Variants in KIF3A observed in about 807,000 individuals in gnomAD.
KIF3A encodes the protein kinesin family member 3A.
Under a neutral mutation model 92.6 loss-of-function variants are expected in KIF3A, and 27 were observed. The ratio of observed to expected loss-of-function variants is 0.29; its 90% CI spans 0.21 to 0.40. KIF3A has a LOEUF of 0.40. Among genes scored for constraint, KIF3A ranks in the 10% least tolerant of loss-of-function variants. The pLI is 1.00. For missense variants in KIF3A, 581 were observed against 872.6 expected, an observed-to-expected ratio of 0.67 and a Z score of 4.21; for synonymous variants, 250 against 275.4, an observed-to-expected ratio of 0.91 and a Z score of 0.92.
rs1753075146 is a variant in KIF3A at position 132,702,540 on chromosome 5, AT to A, written c.1758+17del. 6.8e-7 allele frequency: 1 copy of A among 1,478,878 alleles called. No homozygotes were observed. Among genetic ancestry groups the A allele is most frequent in the South Asian group, 1.2e-5 (1 of 80,952 alleles). The allele number at this position is 1,478,878 out of a possible 1,614,324, so 91.6% of individuals were successfully genotyped here. A position where few individuals can be genotyped will look rare whatever the true frequency, so the allele number is the denominator to read the frequency against. ...AAATCCAGAACTGCATTAGTAGGTA[AT>A]TTCTAAGAGAACCAACCTCTGACTT... On this transcript the variant is annotated intron_variant, in intron 14 of 18. Transcript: ENST00000403231.
In KIF3A at chr5:132,696,517, T is replaced by C. The variant is rs557175585; in HGVS notation, c.*117A>G. 2.1e-5 allele frequency: 14 copies of C among 682,110 alleles called. 1 individual carries two copies. The highest frequency in any genetic ancestry group is 1.3e-4 in the South Asian group (7 of 53,980). The allele number at this position is 682,110 out of a possible 1,614,324, so 42.3% of individuals were successfully genotyped here. A position where few individuals can be genotyped will look rare whatever the true frequency, so the allele number is the denominator to read the frequency against. On this transcript the variant is annotated 3_prime_UTR_variant, in exon 19 of 19. Transcript: ENST00000403231. ...AAATTATTATTTCCAGTCTTATTCA[T>C]TGATCTACAACTTCCATTAATTGAA...
At chr5:132,733,475 T>C (rs949171150) in intron 2 of KIF3A, among the ~76,000 whole-genome samples, 3 of 152,168 alleles carry the variant, frequency 2.0e-5, no homozygotes, top group African/African-American at 7.2e-5. Flanking sequence ...AAGATATAAA[T>C]AAATGGAGAG....
In KIF3A at chr5:132,692,907, T is replaced by A. The variant is rs559062921; in HGVS notation, c.*3727A>T. 3.9e-5 allele frequency: 6 copies of A among 152,704 alleles called. No individual in the cohort carries two copies. The highest frequency in any genetic ancestry group is 1.2e-4 in the African/African-American group (5 of 41,564). The allele number at this position is 152,704 out of a possible 1,614,324, so 9.5% of individuals were successfully genotyped here. On this transcript the variant is annotated 3_prime_UTR_variant, in exon 19 of 19. Transcript: ENST00000403231. ...TAGTATTTTTAAGAACAAAAAATAA[T>A]TTAAAATAAAACAAATGTATACATT...
intron 18 of KIF3A, among the ~76,000 whole-genome samples, chr5:132,698,704 C>CAA (rs1319141109): frequency 6.7e-6 from 1 of 150,326 alleles, no homozygotes; most frequent in East Asian, 1.9e-4. Flanking sequence ...TTTATTTACT[C>CAA]AAATTCTAAT....
rs1245026771 is a variant in KIF3A, at chr5:132,694,424, G to A, written c.*2210C>T. ...CCCCTGCTATAGTAGCCTGCTTTTA[G>A]AACTTCTCAATTGACTTTTTATAGA... On this transcript the variant is annotated 3_prime_UTR_variant, in exon 19 of 19. Coordinates refer to ENST00000403231, the MANE Select transcript of KIF3A (RefSeq NM_001300791.2). 6.6e-6 allele frequency: 1 copy of A among 152,146 alleles called. No individual in the cohort carries two copies. Among genetic ancestry groups the A allele is most frequent in the Non-Finnish European group, 1.5e-5 (1 of 68,014 alleles). The allele number at this position is 152,146 out of a possible 1,614,324, so 9.4% of individuals were successfully genotyped here.
chr5:132,732,989 G>C (rs1754283994), intron 2 of KIF3A, among the ~76,000 whole-genome samples: 1 of 151,942 alleles, frequency 6.6e-6, no homozygotes, highest in Non-Finnish European at 1.5e-5. Flanking sequence ...CACTGTAAGT[G>C]AAAGAAGTTA....
intron 2 of KIF3A, among the ~76,000 whole-genome samples, chr5:132,733,587 G>A (rs940622943): frequency 6.6e-6 from 1 of 152,170 alleles, no homozygotes; most frequent in Non-Finnish European, 1.5e-5. Flanking sequence ...GAGCAACACA[G>A]CAAGACCCAG....
chr5:132,690,736 G>A (rs898359322), downstream of KIF3A, among the ~76,000 whole-genome samples: 3 of 152,072 alleles, frequency 2.0e-5, no homozygotes, highest in Non-Finnish European at 4.4e-5. Flanking sequence ...GACCATCTTG[G>A]CTAACACGGT....
chr5:132,700,162 A>C, intron 17 of KIF3A, 54 bp downstream of exon 17: 1 of 975,368 alleles, frequency 1.0e-6, no homozygotes, highest in Non-Finnish European at 1.6e-6. Flanking sequence ...ATATTCCTAT[A>C]AAGAAACAAC....
intron 7 of KIF3A, 81 bp downstream of exon 7, chr5:132,716,164 A>G (rs1753614151): frequency 8.3e-7 from 1 of 1,207,506 alleles, no homozygotes; most frequent in Non-Finnish European, 1.2e-6. Context: ...AAGTTTAAAA[A>G]ATGTGATACG....
chr5:132,697,232 C>A (rs1222756183), intron 18 of KIF3A, among the ~76,000 whole-genome samples: 2 of 152,080 alleles, frequency 1.3e-5, no homozygotes, highest in African/African-American at 2.4e-5. Flanking sequence ...CCATTTAATG[C>A]ATGTATTTGT....
At position 132,727,637 on chromosome 5, in the gene KIF3A, C is replaced by T. The variant is rs115505787; in HGVS notation, c.281-1139G>A. Among the ~76,000 whole-genome samples the T allele has an allele frequency of 1.6e-3, 240 of 152,130 alleles. 2 individuals carry two copies. The highest frequency in any genetic ancestry group is 4.4e-3 in the African/African-American group (184 of 41,482). On this transcript the variant is annotated intron_variant, in intron 2 of 18. Coordinates refer to ENST00000403231, the MANE Select transcript of KIF3A (RefSeq NM_001300791.2). ...CCATAATCACACAGTATAATAAGGA[C>T]GGTATTAAACTTTTTAGACCTTATC...
intron 4 of KIF3A, chr5:132,723,538 A>C (rs567861919): frequency 2.0e-5 from 3 of 152,358 alleles, no homozygotes; most frequent in South Asian, 2.1e-4. Flanking sequence ...TGACAAAAAC[A>C]AGAAATGGGG....
rs574573167 is a variant in KIF3A at position 132,715,903 on chromosome 5, T to C, written c.983A>G (p.Asn328Ser). 6.3e-7 allele frequency: 1 copy of C among 1,599,950 alleles called. No individual in the cohort carries two copies. Among genetic ancestry groups the C allele is most frequent in the South Asian group, 1.1e-5 (1 of 87,378 alleles). The change falls in exon 8 of 19, where the codon AAT becomes AGT. Residue 328 changes from asparagine (N) to serine (S), a missense_variant. Physicochemically the swap from Asn to Ser is conservative, Grantham distance 46. Coordinates refer to ENST00000403231, the MANE Select transcript of KIF3A (RefSeq NM_001300791.2). Reference protein sequence around the residue: ...MCANIGPADYNYDETISTLRY... With the variant: ...MCANIGPADYSYDETISTLRY... ...TAATGTACTGATAGTTTCATCATAA[T>C]TGTAATCTGCTGGCCCAATATTTGC...
downstream of KIF3A, chr5:132,689,670 C>T (rs558180201): frequency 5.3e-5 from 8 of 152,288 alleles, no homozygotes; most frequent in South Asian, 1.5e-3. Flanking sequence ...CAGTAACAGA[C>T]GCGTTTGTAA....
At position 132,708,984 on chromosome 5, in the gene KIF3A, A is replaced by G. The variant is rs1753322413; in HGVS notation, c.1229-6T>C. 4 of 1,548,106 alleles carry G rather than the reference A, an allele frequency of 2.6e-6. No individual in the cohort carries two copies. The highest frequency in any genetic ancestry group is 2.6e-6 in the Non-Finnish European group (3 of 1,144,884). On this transcript the variant is annotated splice_polypyrimidine_tract_variant and splice_region_variant and intron_variant, in intron 9 of 18. Coordinates refer to ENST00000403231, the MANE Select transcript of KIF3A (RefSeq NM_001300791.2). ...ACTACTGCTGCTGCTACTGCCTGGA[A>G]AACAAAGAAATGAGCCCAACAGGAA...
chr5:132,724,791 AT>A lies in KIF3A; in HGVS notation c.510+1336del, dbSNP rs1386936222. ...CATGTACCCTAGAACTTAAAGTATA[AT>A]AAAAAAAAAAAAAAATATATATATA... On this transcript the variant is annotated intron_variant, in intron 4 of 18. Coordinates refer to ENST00000403231, the MANE Select transcript of KIF3A (RefSeq NM_001300791.2). Among the ~76,000 whole-genome samples, 143 of 35,904 alleles carry A rather than the reference AT, an allele frequency of 4.0e-3. 2 individuals carry two copies. The highest frequency in any genetic ancestry group is 7.8e-3 in the South Asian group (8 of 1,024). The allele number at this position is 35,904 out of a possible 152,430, so 23.6% of individuals were successfully genotyped here. A position where few individuals can be genotyped will look rare whatever the true frequency, so the allele number is the denominator to read the frequency against.
At chr5:132,728,035 C>T (rs1200731429) in intron 2 of KIF3A, among the ~76,000 whole-genome samples, 1 of 152,150 alleles carries the variant, frequency 6.6e-6, no homozygotes, top group Non-Finnish European at 1.5e-5. Context: ...CTAAGTATTT[C>T]AAACTCTGCT....
Position 132,726,139 on chromosome 5 carries a change from G to T in KIF3A, c.499C>A (p.Gln167Lys). The T allele has an allele frequency of 6.2e-7, 1 of 1,608,488 alleles. No individual in the cohort carries two copies. Among genetic ancestry groups the T allele is most frequent in the Non-Finnish European group, 8.5e-7 (1 of 1,177,162 alleles). The change falls in exon 4 of 19, where the codon CAA becomes AAA. Residue 167 changes from glutamine (Q) to lysine (K), a missense_variant. Around this residue, in one of 5 missense-constraint regions of KIF3A, gnomAD observed 217 missense variants for 299.7 expected, o/e 0.72. Coordinates refer to ENST00000403231, the MANE Select transcript of KIF3A (RefSeq NM_001300791.2). ...VRDLLGKDQT[Q>K]RLEVKERPDV... ...TCAATTATCCTTACCTCTAACCTTT[G>T]TGTCTGATCCTTGCCCAAAAGGTCA...
Sources: allele counts gnomAD v4.1 joint callset (sites outside exome capture counted in the v4.1 genomes callset), GRCh38; gene constraint gnomAD v4.1.1; regional missense constraint gnomAD v4.1.1; transcripts MANE v1.5; gene names NCBI Gene and HGNC (gene_info 2026-07-23, HGNC 2026-07-21).